The following KCNN3 variants were observed in gnomAD, a reference collection of about 807,000 sequenced individuals.
KCNN3 encodes potassium calcium-activated channel subfamily N member 3.
KCNN3 carries 16 observed loss-of-function variants against 62.9 expected under a neutral mutation model. That is an observed-to-expected ratio of 0.25 (90% CI 0.17 to 0.39). KCNN3 has a LOEUF of 0.39. Among genes scored for constraint, KCNN3 ranks in the 10% least tolerant of loss-of-function variants. The pLI is 1.00. For synonymous variants in KCNN3, 370 were observed against 389.2 expected, an observed-to-expected ratio of 0.95 and a Z score of 0.58; for missense variants, 599 against 949.4, an observed-to-expected ratio of 0.63 and a Z score of 4.85.
chr1:154,711,500 A>G (rs1700074201), intron 7 of KCNN3, among the ~76,000 whole-genome samples: 1 of 145,328 alleles, frequency 6.9e-6, no homozygotes, highest in Non-Finnish European at 1.6e-5. Flanking sequence ...TAATAATAAT[A>G]AAACTAAAAA....
At chr1:154,731,033 C>T (rs1025353962) in intron 4 of KCNN3, among the ~76,000 whole-genome samples, 1 of 152,120 alleles carries the variant, frequency 6.6e-6, no homozygotes, top group Non-Finnish European at 1.5e-5. Context: ...TGGATGGGGA[C>T]AGCTATGTGC....
chr1:154,742,551 T>TA (rs900299969), intron 3 of KCNN3, among the ~76,000 whole-genome samples: 6 of 152,126 alleles, frequency 3.9e-5, no homozygotes, highest in Non-Finnish European at 5.9e-5. Context: ...ATAGGTGCAC[T>TA]AAAAAAAAGT....
chr1:154,858,223 G>A (rs1038112684), intron 1 of KCNN3, among the ~76,000 whole-genome samples: 3 of 152,118 alleles, frequency 2.0e-5, no homozygotes, highest in African/African-American at 7.2e-5. Flanking sequence ...AGGAGGGGCT[G>A]GGAACCATGG....
intron 2 of KCNN3, among the ~76,000 whole-genome samples, chr1:154,802,191 T>C (rs61811866): frequency 1.5e-3 from 230 of 151,976 alleles, no homozygotes; most frequent in Non-Finnish European, 2.7e-3. Context: ...GGCAGAGAGG[T>C]TTAAACAACT....
rs190493915 is a variant in KCNN3, at chr1:154,776,543, C to T, written c.1030-4150G>A. 3.3e-3 allele frequency among the ~76,000 whole-genome samples: 504 copies of T among 152,244 alleles called. 8 individuals carry two copies. Among genetic ancestry groups the T allele is most frequent in the Non-Finnish European group, 7.8e-4 (53 of 68,018 alleles). ...GGGTGGGATGTGTCCCAGAAGATCC[C>T]ATTGCTGTCCCACGTGAGGACACTC... On this transcript the variant is annotated intron_variant, in intron 2 of 7. Transcript: ENST00000271915.
intron 1 of KCNN3, among the ~76,000 whole-genome samples, chr1:154,863,196 C>T (rs1239901835): frequency 6.6e-6 from 1 of 152,068 alleles, no homozygotes; most frequent in South Asian, 2.1e-4. Context: ...CCCTCAGATC[C>T]CAGCTGAGCT....
In KCNN3 at chr1:154,713,445, T is replaced by G; in HGVS notation, c.1899+19A>C. On this transcript the variant is annotated intron_variant, in intron 7 of 7. Transcript: ENST00000271915. ...GTGTCTGCGTGTTCTAGGGGATGTC[T>G]CCAGACACTGCCACTCACCTTGGAA... is the stretch of plus-strand genomic sequence containing the variant. 6.2e-7 allele frequency: 1 copy of G among 1,603,340 alleles called. No homozygotes were observed. Among genetic ancestry groups the G allele is most frequent in the South Asian group, 1.1e-5 (1 of 90,830 alleles).
chr1:154,725,968 T>G lies in KCNN3; in HGVS notation c.1649A>C (p.Lys550Thr), dbSNP rs765504126. ...AVVARKLELT[K>T]AEKHVHNFMM... ...GAAGTTATGAACGTGCTTCTCCGCT[T>G]TGGTGAGTTCCAGCTTTCGGGCCAC... Residue 550 changes from lysine (K) to threonine (T), a missense_variant, in exon 5 of 8, where the codon AAA becomes ACA. Lys to Thr is a moderately conservative substitution (Grantham distance 78). Around this residue, in one of 7 missense-constraint regions of KCNN3, gnomAD observed 288 missense variants for 557.4 expected, o/e 0.52. Transcript: ENST00000271915. 1.2e-6 allele frequency: 2 copies of G among 1,614,154 alleles called. No individual in the cohort carries two copies. The highest frequency in any genetic ancestry group is 1.7e-6 in the Non-Finnish European group (2 of 1,180,002).
At chr1:154,713,968 TGATGTGTGGTGTGTGCGGG>T (rs1389972872) in intron 6 of KCNN3, among the ~76,000 whole-genome samples, 94 of 25,098 alleles carry the variant, frequency 3.7e-3, no homozygotes, top group Middle Eastern at 0.017. Flanking sequence ...ATGGTGTGTG[TGATGTGTGGTGTGTGCGGG>T]GTGTGTGTGT....
intron 3 of KCNN3, among the ~76,000 whole-genome samples, chr1:154,765,038 G>A (rs1648193857): frequency 6.6e-6 from 1 of 152,166 alleles, no homozygotes; most frequent in African/African-American, 2.4e-5. Flanking sequence ...GGGTTCCTGA[G>A]GGAGAGTCAG....
intron 1 of KCNN3, among the ~76,000 whole-genome samples, chr1:154,838,136 G>A (rs1295534570): frequency 6.6e-6 from 1 of 152,162 alleles, no homozygotes; most frequent in South Asian, 2.1e-4. Flanking sequence ...AGAACAGAGA[G>A]TGTGGGGGCC....
chr1:154,784,561 G>T (rs973882604), intron 2 of KCNN3, among the ~76,000 whole-genome samples: 2 of 152,218 alleles, frequency 1.3e-5, no homozygotes, highest in Non-Finnish European at 2.9e-5. Context: ...GGGGCTGGGT[G>T]CCTTCCTCCA....
chr1:154,852,863 C>G (rs1296032128), intron 1 of KCNN3, among the ~76,000 whole-genome samples: 1 of 152,148 alleles, frequency 6.6e-6, no homozygotes, highest in African/African-American at 2.4e-5. Context: ...CAGGCATGAT[C>G]CCCCCTCAGG....
chr1:154,729,595 C>T (rs1057414077), intron 4 of KCNN3, among the ~76,000 whole-genome samples: 2 of 152,060 alleles, frequency 1.3e-5, no homozygotes, highest in Non-Finnish European at 2.9e-5. Flanking sequence ...GTGTTCTTAA[C>T]TAAAGAAGCA....
At chr1:154,864,430 G>A (rs1218937067) in intron 1 of KCNN3, among the ~76,000 whole-genome samples, 1 of 152,252 alleles carries the variant, frequency 6.6e-6, no homozygotes, top group East Asian at 1.9e-4. Flanking sequence ...ACCAGGGAGA[G>A]CAGAGGATCA....
intron 5 of KCNN3, among the ~76,000 whole-genome samples, chr1:154,721,221 A>G (rs142057889): frequency 2.5e-4 from 38 of 152,016 alleles, no homozygotes; most frequent in African/African-American, 8.9e-4. Flanking sequence ...TACCGCAAAG[A>G]AAATATCTCC....
In KCNN3 at chr1:154,859,608, G is replaced by A. The variant is rs541412007; in HGVS notation, c.933+9424C>T. 3.2e-5 allele frequency: 42 copies of A among 1,331,426 alleles called. No individual in the cohort carries two copies. In the South Asian group the frequency reaches 4.7e-4, roughly 15 times the overall value. The allele number at this position is 1,331,426 out of a possible 1,614,324, so 82.5% of individuals were successfully genotyped here. A position where few individuals can be genotyped will look rare whatever the true frequency, so the allele number is the denominator to read the frequency against. On this transcript the variant is annotated intron_variant, in intron 1 of 7. Coordinates refer to ENST00000271915, the MANE Select transcript of KCNN3 (RefSeq NM_002249.6). ...CCCCTCAGCTCAAAGCCACTGACAG[G>A]TCAGCAAGGTTCAATGGCTCAAGCC... is the stretch of plus-strand genomic sequence containing the variant.
Position 154,700,080 on chromosome 1 carries a change from C to G in KCNN3, c.*7896G>C, listed in dbSNP as rs1699822172. Reference sequence around the variant, plus strand: ...AATCCTTATGATCATTCAGGACCTTCACATCTTCAAATAATTCTGTAAATG... The same window carrying G: ...AATCCTTATGATCATTCAGGACCTTGACATCTTCAAATAATTCTGTAAATG... On this transcript the variant is annotated 3_prime_UTR_variant, in exon 8 of 8. Coordinates refer to ENST00000271915, the MANE Select transcript of KCNN3 (RefSeq NM_002249.6). The G allele has an allele frequency of 6.6e-6, 1 of 152,172 alleles. No homozygotes were observed. The highest frequency in any genetic ancestry group is 1.5e-5 in the Non-Finnish European group (1 of 68,034). 9.4% of individuals were successfully genotyped at this position (152,172 alleles called of 1,614,324 possible). A position where few individuals can be genotyped will look rare whatever the true frequency, so the allele number is the denominator to read the frequency against.
At chr1:154,858,536 C>T (rs1362308031) in intron 1 of KCNN3, among the ~76,000 whole-genome samples, 4 of 152,188 alleles carry the variant, frequency 2.6e-5, no homozygotes, top group African/African-American at 9.7e-5. Context: ...GGAGAGACCC[C>T]CCTGGAGTCT....
Sources: allele counts gnomAD v4.1 joint callset (sites outside exome capture counted in the v4.1 genomes callset), GRCh38; gene constraint gnomAD v4.1.1; regional missense constraint gnomAD v4.1.1; transcripts MANE v1.5; gene names NCBI Gene and HGNC (gene_info 2026-07-23, HGNC 2026-07-21).